Variants in DNM3 observed in about 807,000 individuals in gnomAD.
DNM3 encodes the protein dynamin-3.
DNM3 carries 47 observed loss-of-function variants against 101.6 expected under a neutral mutation model. That is an observed-to-expected ratio of 0.46 (90% confidence interval 0.37 to 0.59). The LOEUF (loss-of-function observed/expected upper bound fraction) is 0.59, where lower values mean the gene tolerates loss of function less well. DNM3 is among the 20% of genes least tolerant of loss of function. The pLI, the probability that DNM3 is intolerant of heterozygous loss-of-function variation, is 0.00. For synonymous variants in DNM3, 385 were observed against 387.9 expected (o/e 0.99, Z 0.09); for missense variants, 849 against 1,085.7 (o/e 0.78, Z 3.06).
intron 17 of DNM3, among the ~76,000 whole-genome samples, chr1:172,336,218 A>G (rs971408345): frequency 7.9e-5 from 12 of 152,136 alleles, no homozygotes; most frequent in African/African-American, 2.9e-4. Flanking sequence ...AGAGAGAAAG[A>G]GCATGAAGCT....
intron 13 of DNM3, among the ~76,000 whole-genome samples, chr1:172,106,412 CAAAGAA>C (rs2055016353): frequency 6.6e-6 from 1 of 151,204 alleles, no homozygotes; most frequent in Admixed American, 6.6e-5. Context: ...CAGAGCAAGA[CAAAGAA>C]AGAGAGAGAA....
chr1:172,148,644 T>C (rs1419007846), intron 14 of DNM3, among the ~76,000 whole-genome samples: 1 of 152,090 alleles, frequency 6.6e-6, no homozygotes, highest in Non-Finnish European at 1.5e-5. Flanking sequence ...TCTAACCAAG[T>C]TGTAGTGTTT....
At chr1:172,294,513 C>T (rs1275658058) in intron 15 of DNM3, among the ~76,000 whole-genome samples, 1 of 152,096 alleles carries the variant, frequency 6.6e-6, no homozygotes, top group Non-Finnish European at 1.5e-5. Flanking sequence ...CTTGGGAACA[C>T]CCTTTAATAT....
intron 14 of DNM3, among the ~76,000 whole-genome samples, chr1:172,163,972 C>G (rs1026024299): frequency 6.6e-6 from 1 of 151,682 alleles, no homozygotes; most frequent in Non-Finnish European, 1.5e-5. Flanking sequence ...CACACACACA[C>G]ACACACACAC....
intron 1 of DNM3, among the ~76,000 whole-genome samples, chr1:171,849,249 C>T (rs912176964): frequency 6.6e-6 from 1 of 152,176 alleles, no homozygotes; most frequent in African/African-American, 2.4e-5. Flanking sequence ...GCTGGCAGCT[C>T]TTGAGTCCTG....
chr1:171,948,839 G>C (rs551259908), intron 2 of DNM3, among the ~76,000 whole-genome samples: 1 of 152,186 alleles, frequency 6.6e-6, no homozygotes, highest in East Asian at 1.9e-4. Flanking sequence ...TTATGAAAAT[G>C]ATTCTTCTTC....
intron 15 of DNM3, among the ~76,000 whole-genome samples, chr1:172,279,306 G>C (rs978236243): frequency 1.3e-5 from 2 of 152,078 alleles, no homozygotes; most frequent in Admixed American, 1.3e-4. Flanking sequence ...GGTCTCTTAT[G>C]TCTATACATT....
chr1:172,050,823 G>A (rs1306848418), intron 10 of DNM3, among the ~76,000 whole-genome samples: 2 of 152,176 alleles, frequency 1.3e-5, no homozygotes, highest in East Asian at 3.8e-4. Context: ...CAAAAGATTG[G>A]CACATGTGTG....
intron 18 of DNM3, among the ~76,000 whole-genome samples, chr1:172,384,362 G>C (rs759094540): frequency 2.5e-4 from 38 of 152,178 alleles, no homozygotes; most frequent in Non-Finnish European, 4.6e-4. Flanking sequence ...AAAAATCACA[G>C]CATTTTTTGG....
intron 17 of DNM3, among the ~76,000 whole-genome samples, chr1:172,359,125 A>AACAAAC (rs368383526): frequency 2.7e-5 from 4 of 145,704 alleles, no homozygotes; most frequent in Non-Finnish European, 6.0e-5. Flanking sequence ...ACTCCCACAA[A>AACAAAC]ACACACACAC....
At chr1:172,078,871 T>C (rs961624833) in intron 11 of DNM3, among the ~76,000 whole-genome samples, 1 of 152,232 alleles carries the variant, frequency 6.6e-6, no homozygotes, top group Non-Finnish European at 1.5e-5. Context: ...TTATTTTTCC[T>C]TCACTTATGA....
At chr1:172,032,236 A>G (rs1306590594) in intron 4 of DNM3, among the ~76,000 whole-genome samples, 166 bp from the exon 5 acceptor site, 1 of 152,016 alleles carries the variant, frequency 6.6e-6, no homozygotes, top group Non-Finnish European at 1.5e-5. Context: ...CCTCCTCATC[A>G]CACTGAAATC....
At chr1:172,294,474 C>T (rs1327664031) in intron 15 of DNM3, among the ~76,000 whole-genome samples, 1 of 152,130 alleles carries the variant, frequency 6.6e-6, no homozygotes, top group East Asian at 1.9e-4. Flanking sequence ...GGGGTAGACC[C>T]AGATTATGCC....
At chr1:172,256,679 G>A (rs1043717359) in intron 15 of DNM3, among the ~76,000 whole-genome samples, 1 of 151,490 alleles carries the variant, frequency 6.6e-6, no homozygotes, top group African/African-American at 2.4e-5. Flanking sequence ...AATAATTTCT[G>A]TTCTCTTAAT....
At chr1:172,191,163 G>C (rs933285058) in intron 14 of DNM3, among the ~76,000 whole-genome samples, 11 of 152,192 alleles carry the variant, frequency 7.2e-5, no homozygotes, top group African/African-American at 2.7e-4. Flanking sequence ...TAACATTTAA[G>C]TCTTTTAACC....
At chr1:172,268,274 T>TAAAA (rs369755878) in intron 15 of DNM3, among the ~76,000 whole-genome samples, 1 of 136,624 alleles carries the variant, frequency 7.3e-6, no homozygotes, top group Non-Finnish European at 1.6e-5. Flanking sequence ...AGCAAGTCAG[T>TAAAA]AAAAAAAAAA....
chr1:171,888,121 T>C (rs1232444419), intron 1 of DNM3, among the ~76,000 whole-genome samples: 1 of 151,986 alleles, frequency 6.6e-6, no homozygotes, highest in Non-Finnish European at 1.5e-5. Flanking sequence ...CAGCATGTTT[T>C]GACAATTATA....
At position 172,243,601 on chromosome 1, in the gene DNM3, G is replaced by A. The variant is rs1239191130; in HGVS notation, c.1660-9972G>A. 3.9e-5 allele frequency among the ~76,000 whole-genome samples: 6 copies of A among 152,154 alleles called. No homozygotes were observed. The South Asian group carries it at 1.2e-3, about 31-fold the overall frequency. On this transcript the variant is annotated intron_variant, in intron 14 of 20. Transcript: ENST00000627582. ...TCCCTTTCAGGATCTGAGTAGGTAC[G>A]AGGGTGCAGCCATGAAGCCAGTGGT...
chr1:172,102,452 G>A (rs75770697), intron 13 of DNM3, among the ~76,000 whole-genome samples: 5,496 of 152,172 alleles, frequency 0.036, 229 homozygotes, highest in East Asian at 0.13. Context: ...ATTTGGAATA[G>A]TATTTAATGT....
Sources: allele counts gnomAD v4.1 joint callset (sites outside exome capture counted in the v4.1 genomes callset), GRCh38; gene constraint gnomAD v4.1.1; transcripts MANE v1.5; gene names NCBI Gene and HGNC (gene_info 2026-07-23, HGNC 2026-07-21).